Variants in MROH9 observed in about 807,000 individuals in gnomAD.
MROH9 encodes the protein maestro heat-like repeat-containing protein family member 9.
In MROH9, 92 loss-of-function variants were observed where a neutral mutation model predicts 98.2. That is an observed-to-expected ratio of 0.94 (90% CI 0.79 to 1.11). The LOEUF is 1.11. Among genes scored for constraint, MROH9 ranks in the 50% most tolerant of loss-of-function variants. The probability of loss-of-function intolerance (pLI) is 0.00; values close to 1 mark genes in which losing one functional copy is unlikely to be tolerated. For missense variants in MROH9, 1,057 were observed against 1,014.8 expected (o/e 1.04, Z -0.57); for synonymous variants, 397 against 368.9 (o/e 1.08, Z -0.87).
intron 11 of MROH9, 49 bp downstream of exon 11, chr1:170,990,052 C>G: frequency 1.3e-6 from 2 of 1,545,480 alleles, no homozygotes; most frequent in Non-Finnish European, 1.8e-6. Flanking sequence ...TGTTCACAGG[C>G]TGCACTGTCA....
At chr1:170,956,598 T>G (rs1399955719) in intron 3 of MROH9, among the ~76,000 whole-genome samples, 2 of 128,068 alleles carry the variant, frequency 1.6e-5, no homozygotes, top group Non-Finnish European at 3.6e-5. Context: ...TTTTTTTGTT[T>G]TTTTTTTTTT....
At chr1:171,055,705 T>C (rs1019943379) in intron 20 of MROH9, among the ~76,000 whole-genome samples, 7 of 147,868 alleles carry the variant, frequency 4.7e-5, no homozygotes, top group Admixed American at 1.4e-4. Context: ...AAAGACAACA[T>C]ATTGAGGGGC....
At chr1:171,008,429 ATTTTTGTATGAGATTTACATT>A (rs1448094315) in intron 15 of MROH9, among the ~76,000 whole-genome samples, 1 of 152,110 alleles carries the variant, frequency 6.6e-6, no homozygotes, top group Non-Finnish European at 1.5e-5. Flanking sequence ...TGCCTCTCAT[ATTTTTGTATGAGATTTACATT>A]CAATTGTAAC....
intron 3 of MROH9, among the ~76,000 whole-genome samples, chr1:170,950,242 G>T (rs1338981051): frequency 6.6e-6 from 1 of 152,008 alleles, no homozygotes; most frequent in African/African-American, 2.4e-5. Flanking sequence ...GAAGACTTTT[G>T]AACAAACAAT....
Position 170,959,576 on chromosome 1 carries a change from T to C in MROH9, c.267T>C (p.Tyr89=), listed in dbSNP as rs759350541. The C allele has an allele frequency of 2.5e-6, 4 of 1,613,134 alleles. No homozygotes were observed. Among genetic ancestry groups the C allele is most frequent in the East Asian group, 2.2e-5 (1 of 44,828 alleles). Residue 89 remains tyrosine, a synonymous_variant, in exon 5 of 22, where the codon TAT becomes TAC. Transcript: ENST00000367759. ...AAGTAAAAGAAATGGGGAGCAGTTA[T>C]GAGTACATTGAGGACATGGAGGTAA... ...LDKVKEMGSS[Y]EYIEDMENLY...
chr1:170,974,616 G>A (rs977347816), intron 8 of MROH9, among the ~76,000 whole-genome samples: 1 of 151,968 alleles, frequency 6.6e-6, no homozygotes, highest in Non-Finnish European at 1.5e-5. Context: ...ATATACAAGA[G>A]TTGGTAGAAT....
intron 1 of MROH9, among the ~76,000 whole-genome samples, chr1:170,943,432 A>C (rs1207428659): frequency 1.3e-5 from 2 of 151,990 alleles, no homozygotes; most frequent in African/African-American, 4.8e-5. Flanking sequence ...GATATCACTA[A>C]AGAAGAGAAC....
intron 20 of MROH9, among the ~76,000 whole-genome samples, chr1:171,053,516 C>T (rs771559060): frequency 6.6e-5 from 10 of 152,144 alleles, no homozygotes; most frequent in Non-Finnish European, 1.2e-4. Context: ...AGATAAATTA[C>T]CCAGAGACTC....
rs752904080 is a variant in MROH9, at chr1:170,983,458, A to T, written c.653A>T (p.His218Leu). The T allele has an allele frequency of 6.2e-7, 1 of 1,613,290 alleles. No individual in the cohort carries two copies. The highest frequency in any genetic ancestry group is 1.7e-5 in the Admixed American group (1 of 59,946). Residue 218 changes from histidine to leucine, a missense_variant, in exon 9 of 22, where the codon CAT (histidine) becomes CTT (leucine). Transcript: ENST00000367759. ...AATAAGCCTACAAACGGTAAAAGTC[A>T]TAGCCTCCAGTTTCCTTCTTCTGAT... Reference protein sequence around the residue: ...GTNKPTNGKSHSLQFPSSDVE... With the variant: ...GTNKPTNGKSLSLQFPSSDVE...
At chr1:171,057,156 T>TA (rs754921240) in intron 20 of MROH9, among the ~76,000 whole-genome samples, 7 of 151,994 alleles carry the variant, frequency 4.6e-5, no homozygotes, top group Non-Finnish European at 8.8e-5. Flanking sequence ...AGACGGGTAA[T>TA]AAAAAACTAC....
chr1:170,944,446 CA>C (rs1159388906), intron 1 of MROH9, among the ~76,000 whole-genome samples: 2 of 151,810 alleles, frequency 1.3e-5, no homozygotes, highest in African/African-American at 4.8e-5. Context: ...ATGTAATAAA[CA>C]ACAATGGATT....
At chr1:170,990,409 CATAAG>C (rs1436376960) in intron 11 of MROH9, among the ~76,000 whole-genome samples, 35 of 152,204 alleles carry the variant, frequency 2.3e-4, no homozygotes, top group African/African-American at 7.9e-4. Flanking sequence ...GAAGGACAGA[CATAAG>C]ATATTTCTAC....
rs1035149910 is a variant in MROH9, at chr1:171,052,530, C to T, written c.2282-9602C>T. 7.2e-5 allele frequency among the ~76,000 whole-genome samples: 11 copies of T among 152,066 alleles called. No homozygotes were observed. The South Asian group carries it at 1.9e-3, about 26-fold the overall frequency. ...CCGGGAGATATGTCCAGGTATAGAG[C>T]GAAGAGACTATCAAGTTGGCTGCAC... is the stretch of plus-strand genomic sequence containing the variant. On this transcript the variant is annotated intron_variant, in intron 20 of 21. Coordinates refer to ENST00000367759, the MANE Select transcript of MROH9 (RefSeq NM_001163629.2).
chr1:170,987,064 C>T (rs962865670), intron 10 of MROH9, among the ~76,000 whole-genome samples: 1 of 151,786 alleles, frequency 6.6e-6, no homozygotes, highest in African/African-American at 2.4e-5. Context: ...ACTATGTTGC[C>T]CAGGCTGGTC....
intron 20 of MROH9, among the ~76,000 whole-genome samples, chr1:171,056,378 G>T (rs1653837310): frequency 6.6e-6 from 1 of 152,190 alleles, no homozygotes; most frequent in South Asian, 2.1e-4. Flanking sequence ...GAAGACTGCA[G>T]CCAGAGGACC....
In MROH9 at chr1:171,038,901, T is replaced by G. The variant is rs183467246; in HGVS notation, c.2281+13481T>G. On this transcript the variant is annotated intron_variant, in intron 20 of 21. Coordinates refer to ENST00000367759, the MANE Select transcript of MROH9 (RefSeq NM_001163629.2). ...AATATTTAAAAAGTGAGAGATCTCA[T>G]AGAAGTTTCTGGGATTCCAGTTATT... Among the ~76,000 whole-genome samples the G allele has an allele frequency of 1.4e-4, 22 of 152,184 alleles. 1 individual carries two copies. The highest frequency in any genetic ancestry group is 4.8e-4 in the African/African-American group (20 of 41,520).
intron 20 of MROH9, among the ~76,000 whole-genome samples, chr1:171,047,555 C>G (rs1013678844): frequency 3.3e-5 from 5 of 151,908 alleles, no homozygotes; most frequent in Non-Finnish European, 5.9e-5. Context: ...ATTCTGAATC[C>G]CTTCTTGGTG....
intron 8 of MROH9, among the ~76,000 whole-genome samples, chr1:170,977,313 T>C (rs969188871): frequency 6.6e-6 from 1 of 152,226 alleles, no homozygotes; most frequent in East Asian, 1.9e-4. Context: ...CAAGACACTC[T>C]AGCTATTTGA....
At chr1:170,956,038 A>G (rs1318808100) in intron 3 of MROH9, among the ~76,000 whole-genome samples, 2 of 152,168 alleles carry the variant, frequency 1.3e-5, no homozygotes, top group Non-Finnish European at 2.9e-5. Flanking sequence ...GCATGTGGCT[A>G]GCCAATTATC....
Sources: allele counts gnomAD v4.1 joint callset (sites outside exome capture counted in the v4.1 genomes callset), GRCh38; gene constraint gnomAD v4.1.1; transcripts MANE v1.5; gene names NCBI Gene and HGNC (gene_info 2026-07-23, HGNC 2026-07-21).